The following IRF2 variants were observed in gnomAD, a reference collection of about 807,000 sequenced individuals.
IRF2 encodes interferon regulatory factor 2.
A neutral mutation model predicts 40.6 loss-of-function variants in IRF2; 15 were observed. The observed-to-expected ratio is 0.37, with a 90% CI of 0.25 to 0.57. The LOEUF (loss-of-function observed/expected upper bound fraction) is 0.57, where lower values mean the gene tolerates loss of function less well. Among genes scored for constraint, IRF2 ranks in the 20% least tolerant of loss-of-function variants. IRF2 has a pLI of 0.77. For synonymous variants in IRF2, 151 were observed against 165.5 expected, an observed-to-expected ratio of 0.91 and a Z score of 0.67; for missense variants, 317 against 455.7, an observed-to-expected ratio of 0.70 and a Z score of 2.77.
chr4:184,456,758 C>T (rs1227373775), intron 1 of IRF2, among the ~76,000 whole-genome samples: 1 of 152,238 alleles, frequency 6.6e-6, no homozygotes, highest in African/African-American at 2.4e-5. Context: ...TGAATTCAGC[C>T]AACACGTACT....
chr4:184,395,120 G>C (rs761266342), intron 7 of IRF2, among the ~76,000 whole-genome samples: 6 of 152,094 alleles, frequency 3.9e-5, no homozygotes, highest in Non-Finnish European at 7.3e-5. Flanking sequence ...GAATAAAGGT[G>C]GTCAGAGCAT....
At chr4:184,415,022 T>C (rs1042728483) in intron 5 of IRF2, among the ~76,000 whole-genome samples, 4 of 152,234 alleles carry the variant, frequency 2.6e-5, no homozygotes, top group Non-Finnish European at 5.9e-5. Context: ...AATTGTCCTC[T>C]GACTTTCCAA....
intron 2 of IRF2, among the ~76,000 whole-genome samples, chr4:184,422,928 A>G (rs1309542118): frequency 1.3e-5 from 2 of 152,208 alleles, no homozygotes; most frequent in Non-Finnish European, 2.9e-5. Flanking sequence ...AAAATGGTAA[A>G]TATTTTTTAA....
intron 7 of IRF2, among the ~76,000 whole-genome samples, chr4:184,394,542 G>A (rs1212522158): frequency 6.6e-6 from 1 of 152,204 alleles, no homozygotes; most frequent in Non-Finnish European, 1.5e-5. Flanking sequence ...CAAAGCGATT[G>A]TGTCTTTGCT....
intron 5 of IRF2, among the ~76,000 whole-genome samples, chr4:184,416,767 C>T (rs1232765106): frequency 6.6e-6 from 1 of 152,126 alleles, no homozygotes; most frequent in Non-Finnish European, 1.5e-5. Flanking sequence ...GTTTTGGGGC[C>T]GAGTGCCGTG....
intron 6 of IRF2, among the ~76,000 whole-genome samples, chr4:184,403,451 A>T (rs979702342): frequency 6.6e-6 from 1 of 151,982 alleles, no homozygotes; most frequent in Non-Finnish European, 1.5e-5. Context: ...TAATGACAAA[A>T]CCTGTCTTTC....
intron 6 of IRF2, 121 bp from the exon 7 acceptor site, chr4:184,399,200 C>CA: frequency 2.0e-6 from 2 of 1,012,468 alleles, no homozygotes; most frequent in Non-Finnish European, 1.4e-6. Context: ...CATCTGTCCC[C>CA]TGCCATGGGG....
chr4:184,460,641 GCACACACA>G (rs767144163), intron 1 of IRF2, among the ~76,000 whole-genome samples: 1 of 142,312 alleles, frequency 7.0e-6, no homozygotes, highest in Non-Finnish European at 1.5e-5. Context: ...ACGCATGCAC[GCACACACA>G]CACACACATG....
chr4:184,468,312 C>T (rs1268423248), intron 1 of IRF2, among the ~76,000 whole-genome samples: 1 of 151,990 alleles, frequency 6.6e-6, no homozygotes, highest in Non-Finnish European at 1.5e-5. Context: ...CATGGCGAAA[C>T]CTCATCTCTA....
At chr4:184,443,631 T>A (rs772163225) in intron 1 of IRF2, among the ~76,000 whole-genome samples, 10 of 152,232 alleles carry the variant, frequency 6.6e-5, no homozygotes, top group Non-Finnish European at 1.0e-4. Flanking sequence ...GGACCTAGGT[T>A]AAGTCCATAT....
intron 5 of IRF2, 67 bp downstream of exon 5, chr4:184,418,100 C>T: frequency 8.3e-7 from 1 of 1,204,890 alleles, no homozygotes; most frequent in Non-Finnish European, 1.2e-6. Context: ...CTCATCTTTA[C>T]AAGGCAGAAT....
At chr4:184,469,225 G>A (rs1452023115) in intron 1 of IRF2, among the ~76,000 whole-genome samples, 2 of 152,148 alleles carry the variant, frequency 1.3e-5, no homozygotes, top group African/African-American at 4.8e-5. Context: ...AGCCTAACGG[G>A]ATGGTGAGTT....
chr4:184,429,108 A>T, intron 1 of IRF2, 38 bp from the exon 2 acceptor site: 1 of 1,531,360 alleles, frequency 6.5e-7, no homozygotes, highest in East Asian at 2.3e-5. Context: ...CGTTGGTGCC[A>T]CTCAGTGTGG....
At chr4:184,431,537 C>A (rs554116725) in intron 1 of IRF2, among the ~76,000 whole-genome samples, 51 of 152,332 alleles carry the variant, frequency 3.3e-4, no homozygotes, top group Middle Eastern at 3.4e-3. Flanking sequence ...ACCACCAGCC[C>A]AGCCTGATCT....
chr4:184,419,674 T>C, intron 2 of IRF2, 106 bp from the exon 3 acceptor site: 2 of 731,966 alleles, frequency 2.7e-6, no homozygotes, highest in Admixed American at 2.6e-5. Flanking sequence ...CCAGCAAGCA[T>C]CGCTGAATGT....
intron 7 of IRF2, among the ~76,000 whole-genome samples, chr4:184,398,145 G>A (rs999450705): frequency 1.3e-5 from 2 of 152,214 alleles, no homozygotes; most frequent in African/African-American, 4.8e-5. Context: ...CTGAGGTCAA[G>A]TCCTGGCCCA....
At chr4:184,438,124 C>A (rs11723606) in intron 1 of IRF2, among the ~76,000 whole-genome samples, 1 of 152,040 alleles carries the variant, frequency 6.6e-6, no homozygotes, top group Non-Finnish European at 1.5e-5. Flanking sequence ...GCCTTTCATG[C>A]GTTATTTCAC....
intron 2 of IRF2, among the ~76,000 whole-genome samples, chr4:184,421,805 C>T (rs1447769463): frequency 6.6e-6 from 1 of 152,178 alleles, no homozygotes; most frequent in African/African-American, 2.4e-5. Flanking sequence ...GCTGACCAAA[C>T]CCAGCAACAT....
intron 1 of IRF2, among the ~76,000 whole-genome samples, chr4:184,441,948 G>A (rs549129166): frequency 5.3e-5 from 8 of 152,194 alleles, no homozygotes; most frequent in African/African-American, 1.7e-4. Flanking sequence ...TATGAGGCTC[G>A]CACAGGCAGG....
Sources: gnomAD v4.1 joint callset for allele counts (sites outside exome capture counted in the v4.1 genomes callset) on GRCh38, gnomAD v4.1.1 for gene constraint, MANE v1.5 for transcripts, NCBI Gene and HGNC (gene_info 2026-07-23, HGNC 2026-07-21) for gene names.